Variants in THRAP3 observed in about 807,000 individuals in gnomAD.
THRAP3 encodes the protein thyroid hormone receptor associated protein 3.
A neutral mutation model predicts 101.0 loss-of-function variants in THRAP3; 16 were observed. The observed-to-expected ratio is 0.16, with a 90% CI of 0.11 to 0.24. The LOEUF (loss-of-function observed/expected upper bound fraction) is 0.24, where lower values mean the gene tolerates loss of function less well. THRAP3 is among the 10% of genes least tolerant of loss of function. The pLI is 1.00. For missense variants in THRAP3, 989 were observed against 1,202.7 expected (o/e 0.82, Z 2.63); for synonymous variants, 407 against 422.6 (o/e 0.96, Z 0.45).
At chr1:36,221,809 CTTT>C (rs74850064), upstream of THRAP3, among the ~76,000 whole-genome samples, 2 of 139,896 alleles carry the variant, frequency 1.4e-5, no homozygotes. Context: ...TGGTCTTGAA[CTTT>C]TTTTTTTTTT....
At chr1:36,227,608 G>A in intron 1 of THRAP3, among the ~76,000 whole-genome samples, 1 of 152,140 alleles carries the variant, frequency 6.6e-6, no homozygotes, top group Admixed American at 6.6e-5. Flanking sequence ...GAGGAAGGAA[G>A]GGGTTTCAGG....
the THRAP3 span, among the ~76,000 whole-genome samples, chr1:36,215,840 C>A: frequency 3.3e-5 from 5 of 151,728 alleles, no homozygotes; most frequent in Non-Finnish European, 7.4e-5. Context: ...ACCTCTGCCT[C>A]CCGGGTTCAA....
chr1:36,289,268 G>A lies in THRAP3; in HGVS notation c.1249G>A (p.Asp417Asn), dbSNP rs779816812. 6.2e-7 allele frequency: 1 copy of A among 1,613,988 alleles called. No individual in the cohort carries two copies. Among genetic ancestry groups the A allele is most frequent in the African/African-American group, 1.3e-5 (1 of 74,920 alleles). The change falls in exon 5 of 12, where the codon GAC becomes AAC. Residue 417 changes from aspartate to asparagine, a missense_variant. Coordinates refer to ENST00000354618, the MANE Select transcript of THRAP3 (RefSeq NM_005119.4). ...QSPKRYKLRDDFEKKMADFHK... is the reference protein window; with the variant it reads ...QSPKRYKLRDNFEKKMADFHK... ...TCCCAAAAGGTATAAGCTCCGAGAT[G>A]ACTTTGAGAAGAAGATGGCTGACTT... is the stretch of plus-strand genomic sequence containing the variant.
intron 1 of THRAP3, among the ~76,000 whole-genome samples, chr1:36,240,149 G>C (rs1329374309): frequency 6.6e-6 from 1 of 152,176 alleles, no homozygotes; most frequent in Non-Finnish European, 1.5e-5. Context: ...ATAAAAGTGA[G>C]TTTATTAGGA....
chr1:36,227,910 CTG>C (rs779430795), intron 1 of THRAP3, among the ~76,000 whole-genome samples: 4 of 151,966 alleles, frequency 2.6e-5, no homozygotes, highest in Non-Finnish European at 5.9e-5. Context: ...GAATCTCGCT[CTG>C]TTGCCCAGGC....
In THRAP3 at chr1:36,300,942, C is replaced by T. The variant is rs1358646370; in HGVS notation, c.2360C>T (p.Ser787Phe). Residue 787 changes from serine (S) to phenylalanine (F), a missense_variant, in exon 10 of 12, where the codon TCT becomes TTT. Coordinates refer to ENST00000354618, the MANE Select transcript of THRAP3 (RefSeq NM_005119.4). ...SRSSSSSSQS[S>F]HSYKAEEYTE... Reference sequence around the variant, plus strand: ...TCCTCCTCCTCTTCCTCCCAGTCATCTCACTCCTACAAAGCAGAAGAGTAC... The same window carrying T: ...TCCTCCTCCTCTTCCTCCCAGTCATTTCACTCCTACAAAGCAGAAGAGTAC... 6.2e-7 allele frequency: 1 copy of T among 1,614,114 alleles called. No homozygotes were observed. The highest frequency in any genetic ancestry group is 2.2e-5 in the East Asian group (1 of 44,890).
upstream of THRAP3, among the ~76,000 whole-genome samples, chr1:36,223,848 A>G (rs1644924653): frequency 6.6e-6 from 1 of 152,068 alleles, no homozygotes; most frequent in Non-Finnish European, 1.5e-5. Context: ...AAAAAAACGA[A>G]ACCAAACCAA....
chr1:36,260,074 T>C (rs1281395313), intron 2 of THRAP3, among the ~76,000 whole-genome samples: 1 of 151,632 alleles, frequency 6.6e-6, no homozygotes, highest in East Asian at 2.0e-4. Flanking sequence ...AAACCCCGTC[T>C]CTACTAAAAA....
chr1:36,294,173 AAAAAG>A, intron 8 of THRAP3: 1 of 1,264,088 alleles, frequency 7.9e-7, no homozygotes, highest in Non-Finnish European at 1.0e-6. Context: ...GCTTGAGAAA[AAAAAG>A]AGAGGAGTTT....
chr1:36,227,147 T>C (rs1255347198), intron 1 of THRAP3, among the ~76,000 whole-genome samples: 1 of 152,086 alleles, frequency 6.6e-6, no homozygotes, highest in East Asian at 1.9e-4. Context: ...CAATTGTGTT[T>C]GACACTTTGG....
At chr1:36,293,436 C>T (rs1426293031) in intron 7 of THRAP3, among the ~76,000 whole-genome samples, 3 of 152,098 alleles carry the variant, frequency 2.0e-5, no homozygotes, top group African/African-American at 7.2e-5. Context: ...GAGGCGGGAG[C>T]TTGTAGGATT....
the THRAP3 span, among the ~76,000 whole-genome samples, chr1:36,216,788 T>A: frequency 1.3e-5 from 2 of 151,958 alleles, no homozygotes; most frequent in African/African-American, 4.8e-5. Context: ...CAAAAACAAA[T>A]AAGTAAATAA....
intron 1 of THRAP3, among the ~76,000 whole-genome samples, chr1:36,256,188 G>GATT (rs141623060): frequency 0.45 from 60,201 of 135,240 alleles, 13,823 homozygotes; most frequent in East Asian, 0.71. Context: ...GGCCTGCCTG[G>GATT]ATTATTATTA....
intron 3 of THRAP3, 77 bp downstream of exon 3, chr1:36,282,777 C>T: frequency 6.4e-7 from 1 of 1,556,276 alleles, no homozygotes; most frequent in Admixed American, 1.7e-5. Flanking sequence ...TTTTGTTAGA[C>T]TTTTCCTGTG....
At chr1:36,228,173 G>A (rs1644984072) in intron 1 of THRAP3, among the ~76,000 whole-genome samples, 1 of 150,948 alleles carries the variant, frequency 6.6e-6, no homozygotes, top group Admixed American at 6.6e-5. Context: ...TTAGCCTCCT[G>A]AGTAGCTGGG....
intron 1 of THRAP3, among the ~76,000 whole-genome samples, chr1:36,254,984 G>C (rs140141175): frequency 6.6e-6 from 1 of 152,072 alleles, no homozygotes; most frequent in Non-Finnish European, 1.5e-5. Flanking sequence ...GATCAATCTT[G>C]GTTTCCACTG....
chr1:36,272,361 T>G (rs1233011157), intron 2 of THRAP3, among the ~76,000 whole-genome samples: 1 of 152,210 alleles, frequency 6.6e-6, no homozygotes, highest in African/African-American at 2.4e-5. Flanking sequence ...GAGAGCCACT[T>G]AATAGCAGAG....
intron 1 of THRAP3, among the ~76,000 whole-genome samples, chr1:36,232,493 T>C (rs1438636456): frequency 6.6e-6 from 1 of 152,208 alleles, no homozygotes; most frequent in Non-Finnish European, 1.5e-5. Context: ...ATTATTACTA[T>C]ATGACATGAT....
chr1:36,249,663 C>T (rs1156299358), intron 1 of THRAP3, among the ~76,000 whole-genome samples: 1 of 144,460 alleles, frequency 6.9e-6, no homozygotes, highest in African/African-American at 2.5e-5. Flanking sequence ...TGGAAGGTTT[C>T]GAATAAGCGA....
Sources: gnomAD v4.1 joint callset for allele counts (sites outside exome capture counted in the v4.1 genomes callset) on GRCh38, gnomAD v4.1.1 for gene constraint, MANE v1.5 for transcripts, NCBI Gene and HGNC (gene_info 2026-07-23, HGNC 2026-07-21) for gene names.